The following BNC2 variants were observed in gnomAD, a reference collection of about 807,000 sequenced individuals.
BNC2 encodes the protein zinc finger protein basonuclin-2.
In BNC2, 20 loss-of-function variants were observed where a neutral mutation model predicts 76.3. That is an observed-to-expected ratio of 0.26 (90% CI 0.18 to 0.38). BNC2 has a LOEUF of 0.38. Ranked by LOEUF, BNC2 falls within the 10% of genes least tolerant of loss-of-function variation. BNC2 has a pLI of 1.00. For missense variants in BNC2, 1,382 were observed against 1,399.8 expected (o/e 0.99, Z 0.20); for synonymous variants, 582 against 514.8 (o/e 1.13, Z -1.77).
rs3223265 is a variant in BNC2 at position 16,418,873 on chromosome 9, GCACACACACA to G, written c.*106_*115del. 6.1e-5 allele frequency: 54 copies of G among 880,990 alleles called. No individual in the cohort carries two copies. Among genetic ancestry groups the G allele is most frequent in the Non-Finnish European group, 8.1e-5 (44 of 543,950 alleles). 54.6% of individuals were successfully genotyped at this position (880,990 alleles called of 1,614,324 possible). On this transcript the variant is annotated 3_prime_UTR_variant, in exon 7 of 7. Coordinates refer to ENST00000380672, the MANE Select transcript of BNC2 (RefSeq NM_017637.6). ...ATGTAGCCACAGAGCATACATAAAT[GCACACACACA>G]CACACACACACACACACCCCAAGTA...
intron 3 of BNC2, among the ~76,000 whole-genome samples, chr9:16,612,242 A>G (rs1820569340): frequency 6.6e-6 from 1 of 152,134 alleles, no homozygotes; most frequent in Admixed American, 6.6e-5. Context: ...CCTTTCATTC[A>G]CAAATAAACA....
chr9:16,800,584 G>C lies in BNC2; in HGVS notation c.4-62099C>G, dbSNP rs563171530. Reference sequence around the variant, plus strand: ...CTTTTTTTTTTCTGGCAATTTCATTGATCATGTATTTCTAAGGTACCTATT... The same window carrying C: ...CTTTTTTTTTTCTGGCAATTTCATTCATCATGTATTTCTAAGGTACCTATT... On this transcript the variant is annotated intron_variant, in intron 1 of 6. Transcript: ENST00000380672. Among the ~76,000 whole-genome samples, 345 of 151,706 alleles carry C rather than the reference G, an allele frequency of 2.3e-3. 1 individual carries two copies. Among genetic ancestry groups the C allele is most frequent in the African/African-American group, 6.9e-3 (284 of 41,388 alleles).
chr9:16,708,911 G>A (rs1823756861), intron 3 of BNC2, among the ~76,000 whole-genome samples: 1 of 152,162 alleles, frequency 6.6e-6, no homozygotes, highest in Non-Finnish European at 1.5e-5. Context: ...AGGGGACTCA[G>A]AAAATGCATT....
intron 5 of BNC2, among the ~76,000 whole-genome samples, chr9:16,519,254 G>T (rs900830607): frequency 7.2e-5 from 11 of 152,210 alleles, no homozygotes; most frequent in African/African-American, 2.7e-4. Flanking sequence ...TAGGTATGAG[G>T]GGGTGATTCT....
At chr9:16,836,284 T>G (rs1818704202) in intron 1 of BNC2, among the ~76,000 whole-genome samples, 1 of 152,174 alleles carries the variant, frequency 6.6e-6, no homozygotes, top group African/African-American at 2.4e-5. Context: ...AACAATTTGT[T>G]CTGATTTAAA....
At chr9:16,838,530 C>T (rs1818757395) in intron 1 of BNC2, among the ~76,000 whole-genome samples, 1 of 152,166 alleles carries the variant, frequency 6.6e-6, no homozygotes, top group African/African-American at 2.4e-5. Context: ...CATTGCACTC[C>T]AGCCTGGACA....
chr9:16,654,346 A>G (rs1347309140), intron 3 of BNC2, among the ~76,000 whole-genome samples: 1 of 152,214 alleles, frequency 6.6e-6, no homozygotes, highest in Non-Finnish European at 1.5e-5. Flanking sequence ...CCATTAAAAT[A>G]AACAATGCTC....
chr9:16,767,028 T>A (rs1425080259), intron 1 of BNC2, among the ~76,000 whole-genome samples: 1 of 152,234 alleles, frequency 6.6e-6, no homozygotes, highest in Non-Finnish European at 1.5e-5. Flanking sequence ...GACATGCCAA[T>A]CACTATCTGG....
chr9:16,526,854 C>G (rs368616225), intron 5 of BNC2, among the ~76,000 whole-genome samples: 17 of 152,150 alleles, frequency 1.1e-4, no homozygotes, highest in African/African-American at 4.1e-4. Context: ...ACTTACAATC[C>G]AGTAGGAGAA....
intron 5 of BNC2, among the ~76,000 whole-genome samples, chr9:16,504,665 C>A (rs376264492): frequency 1.3e-5 from 2 of 152,108 alleles, no homozygotes; most frequent in East Asian, 3.9e-4. Flanking sequence ...AAAATGTGTT[C>A]TCATCCTGCG....
chr9:16,646,975 T>G (rs139700138), intron 3 of BNC2, among the ~76,000 whole-genome samples: 1 of 152,148 alleles, frequency 6.6e-6, no homozygotes, highest in Admixed American at 6.5e-5. Flanking sequence ...TAGTAGACCA[T>G]GCCCACCCAT....
rs1821212235 is a variant in BNC2, at chr9:16,445,415, A to G, written c.670-7891T>C. Among the ~76,000 whole-genome samples, 8 of 152,148 alleles carry G rather than the reference A, an allele frequency of 5.3e-5. No individual in the cohort carries two copies. In the South Asian group the frequency reaches 1.7e-3, roughly 32 times the overall value. ...ATGTTTCTAGGAGGCCAGCTGGAAC[A>G]ACTGTAATATTTGTAGGCAGAATGA... is the stretch of plus-strand genomic sequence containing the variant. On this transcript the variant is annotated intron_variant, in intron 5 of 6. Coordinates refer to ENST00000380672, the MANE Select transcript of BNC2 (RefSeq NM_017637.6).
intron 6 of BNC2, among the ~76,000 whole-genome samples, chr9:16,430,391 T>C (rs1430019424): frequency 6.6e-6 from 1 of 152,210 alleles, no homozygotes; most frequent in East Asian, 1.9e-4. Context: ...TTAGGGCAAA[T>C]ATACTAATAG....
intron 3 of BNC2, among the ~76,000 whole-genome samples, chr9:16,698,083 C>T (rs1026579098): frequency 2.0e-5 from 3 of 152,118 alleles, no homozygotes; most frequent in African/African-American, 7.2e-5. Context: ...GAAATAGAGC[C>T]CTGCCTATTC....
At chr9:16,506,307 A>C (rs1163769768) in intron 5 of BNC2, among the ~76,000 whole-genome samples, 3 of 152,142 alleles carry the variant, frequency 2.0e-5, no homozygotes, top group African/African-American at 7.2e-5. Flanking sequence ...AAAGACCTTC[A>C]GGAAGACAAC....
chr9:16,855,152 T>A (rs1202075306), intron 1 of BNC2, among the ~76,000 whole-genome samples: 1 of 152,058 alleles, frequency 6.6e-6, no homozygotes, highest in Non-Finnish European at 1.5e-5. Context: ...TGTGTGTGTG[T>A]GATCTCCACT....
chr9:16,492,687 AG>A (rs1279572449), intron 5 of BNC2, among the ~76,000 whole-genome samples: 1 of 151,014 alleles, frequency 6.6e-6, no homozygotes, highest in Non-Finnish European at 1.5e-5. Flanking sequence ...AAATACCAAA[AG>A]CTCCATCCTT....
At chr9:16,426,912 G>C (rs1820813080) in intron 6 of BNC2, among the ~76,000 whole-genome samples, 1 of 152,134 alleles carries the variant, frequency 6.6e-6, no homozygotes, top group South Asian at 2.1e-4. Flanking sequence ...AATCTTGTGG[G>C]ATTTCCTGGT....
chr9:16,514,507 G>A (rs1401878821), intron 5 of BNC2, among the ~76,000 whole-genome samples: 1 of 152,022 alleles, frequency 6.6e-6, no homozygotes, highest in Admixed American at 6.5e-5. Context: ...TTTAAAAAGG[G>A]GGGAAAAATA....
Sources: allele counts gnomAD v4.1 joint callset (sites outside exome capture counted in the v4.1 genomes callset), GRCh38; gene constraint gnomAD v4.1.1; transcripts MANE v1.5; gene names NCBI Gene and HGNC (gene_info 2026-07-23, HGNC 2026-07-21).